Variants in CFAP61 observed in about 807,000 individuals in gnomAD.
CFAP61 encodes the protein cilia and flagella associated protein 61, also known as cilia- and flagella-associated protein 61.
Under a neutral mutation model 135.6 loss-of-function variants are expected in CFAP61, and 107 were observed. The ratio of observed to expected loss-of-function variants is 0.79; its 90% CI spans 0.67 to 0.93. The LOEUF (loss-of-function observed/expected upper bound fraction) is 0.93. CFAP61 is among the 40% of genes least tolerant of loss of function. The pLI is 0.00. For synonymous variants in CFAP61, 575 were observed against 578.5 expected, an observed-to-expected ratio of 0.99 and a Z score of 0.09; for missense variants, 1,507 against 1,556.2, an observed-to-expected ratio of 0.97 and a Z score of 0.53.
intron 25 of CFAP61, among the ~76,000 whole-genome samples, chr20:20,305,367 A>G (rs2056407364): frequency 6.6e-6 from 1 of 152,220 alleles, no homozygotes; most frequent in South Asian, 2.1e-4. Flanking sequence ...CGTTGGAATA[A>G]TTTAATCATG....
Position 20,166,391 on chromosome 20 carries a change from T to C in CFAP61, c.1206-6T>C. On this transcript the variant is annotated splice_polypyrimidine_tract_variant and splice_region_variant and intron_variant, in intron 11 of 26. Coordinates refer to ENST00000245957, the MANE Select transcript of CFAP61 (RefSeq NM_015585.4). ...GCACTGACAGTGCTTACTGTCTTGT[T>C]TACAGGTCGCTGGATTTTATGAATT... The C allele has an allele frequency of 2.5e-6, 4 of 1,613,560 alleles. No individual in the cohort carries two copies. Among genetic ancestry groups the C allele is most frequent in the Non-Finnish European group, 3.4e-6 (4 of 1,179,558 alleles).
At chr20:20,078,225 TC>T (rs1354274551) in intron 6 of CFAP61, among the ~76,000 whole-genome samples, 3 of 152,226 alleles carry the variant, frequency 2.0e-5, no homozygotes, top group African/African-American at 7.2e-5. Flanking sequence ...CCCAATCCCA[TC>T]ATGCGCTGAA....
chr20:20,341,840 C>T lies in CFAP61; in HGVS notation c.3432C>T (p.Thr1144=), dbSNP rs770534248. The T allele has an allele frequency of 5.6e-6, 9 of 1,613,156 alleles. No homozygotes were observed. Among genetic ancestry groups the T allele is most frequent in the East Asian group, 2.2e-5 (1 of 44,872 alleles). The change falls in exon 26 of 27, where the codon ACC becomes ACT. Residue 1144 remains threonine (T), a synonymous_variant. Transcript: ENST00000245957. Reference sequence around the variant, plus strand: ...CTTCTTTCCTTACCAGCTACTTCACCGAGCCGTGGTGCCTGGCCCTGTTCC... The same window carrying T: ...CTTCTTTCCTTACCAGCTACTTCACTGAGCCGTGGTGCCTGGCCCTGTTCC... ...NLITDLYSYF[T]EPWCLALFHD...
At chr20:20,116,800 T>C (rs2049177786) in intron 8 of CFAP61, among the ~76,000 whole-genome samples, 1 of 152,154 alleles carries the variant, frequency 6.6e-6, no homozygotes, top group Non-Finnish European at 1.5e-5. Flanking sequence ...CTATTCTCTA[T>C]CTTCATGAGA....
At chr20:20,192,536 T>G (rs895736246) in intron 15 of CFAP61, among the ~76,000 whole-genome samples, 1 of 152,112 alleles carries the variant, frequency 6.6e-6, no homozygotes, top group Non-Finnish European at 1.5e-5. Flanking sequence ...GATACTCTTT[T>G]GGATTCCTGT....
intron 9 of CFAP61, among the ~76,000 whole-genome samples, chr20:20,155,410 A>G (rs1243384893): frequency 6.6e-6 from 1 of 152,096 alleles, no homozygotes; most frequent in Non-Finnish European, 1.5e-5. Context: ...AAACAAAGAT[A>G]AATAGATGGG....
At chr20:20,078,082 C>T (rs954425540) in intron 6 of CFAP61, among the ~76,000 whole-genome samples, 1 of 152,198 alleles carries the variant, frequency 6.6e-6, no homozygotes, top group Non-Finnish European at 1.5e-5. Flanking sequence ...TCAGGGCCTG[C>T]CCTGCTGTCA....
intron 18 of CFAP61, among the ~76,000 whole-genome samples, chr20:20,233,957 A>G (rs987058569): frequency 3.3e-5 from 5 of 152,138 alleles, no homozygotes; most frequent in Admixed American, 6.5e-5. Flanking sequence ...TGCATTTTTC[A>G]TGATCACACA....
intron 23 of CFAP61, 106 bp from the exon 24 acceptor site, chr20:20,290,194 G>C: frequency 4.0e-6 from 3 of 745,932 alleles, no homozygotes; most frequent in Non-Finnish European, 2.4e-6. Context: ...AGTTTGAGGA[G>C]CATACGCCAC....
intron 26 of CFAP61, among the ~76,000 whole-genome samples, chr20:20,357,482 G>A (rs866719357): frequency 1.1e-4 from 6 of 54,168 alleles, no homozygotes; most frequent in Admixed American, 1.8e-4. Context: ...ACTGAGGGGA[G>A]GTGGTCACAC....
intron 12 of CFAP61, among the ~76,000 whole-genome samples, chr20:20,166,758 A>G (rs2053869567): frequency 6.6e-6 from 1 of 152,218 alleles, no homozygotes; most frequent in South Asian, 2.1e-4. Context: ...TTTATAGATT[A>G]TGTTGGCTCC....
At chr20:20,169,538 A>T (rs6112802) in intron 13 of CFAP61, 78 bp downstream of exon 13, 1,131,325 of 1,230,544 alleles carry the variant, frequency 0.92, 525,817 homozygotes, top group Middle Eastern at 0.97. Flanking sequence ...CCCTGCTATT[A>T]TAATTTAATA....
intron 9 of CFAP61, among the ~76,000 whole-genome samples, chr20:20,147,812 G>T (rs1363718205): frequency 1.3e-5 from 2 of 151,706 alleles, no homozygotes; most frequent in Non-Finnish European, 2.9e-5. Context: ...TCTTAGTCAT[G>T]AATTCTTTGC....
chr20:20,080,827 C>A (rs1182164313), intron 6 of CFAP61, among the ~76,000 whole-genome samples: 1 of 151,984 alleles, frequency 6.6e-6, no homozygotes, highest in South Asian at 2.1e-4. Flanking sequence ...CATGGTGAAA[C>A]CCCGTCTCTT....
chr20:20,210,888 G>A (rs74501906), intron 17 of CFAP61, among the ~76,000 whole-genome samples: 2 of 152,152 alleles, frequency 1.3e-5, no homozygotes, highest in Non-Finnish European at 2.9e-5. Context: ...ACTTTGGGAG[G>A]CTGAAATAGG....
intron 8 of CFAP61, 71 bp downstream of exon 8, chr20:20,098,885 A>G: frequency 2.2e-6 from 3 of 1,365,002 alleles, no homozygotes; most frequent in East Asian, 2.4e-5. Context: ...CTCTTCGCTA[A>G]GTGATGGAAC....
chr20:20,268,735 A>G (rs2147024369), intron 21 of CFAP61, among the ~76,000 whole-genome samples: 1 of 152,316 alleles, frequency 6.6e-6, no homozygotes, highest in East Asian at 1.9e-4. Context: ...CAGCAACCCG[A>G]TACATTATAA....
At chr20:20,210,160 G>GT (rs1234952481) in intron 17 of CFAP61, among the ~76,000 whole-genome samples, 2 of 152,180 alleles carry the variant, frequency 1.3e-5, no homozygotes, top group African/African-American at 4.8e-5. Flanking sequence ...AGTCTCCCTT[G>GT]TGAGGCAGTC....
intron 8 of CFAP61, among the ~76,000 whole-genome samples, chr20:20,120,644 C>G (rs2049538830): frequency 1.3e-5 from 2 of 152,148 alleles, no homozygotes; most frequent in African/African-American, 4.8e-5. Flanking sequence ...TCAGTTAGGT[C>G]TGTTTGGTCT....
Sources: allele counts gnomAD v4.1 joint callset (sites outside exome capture counted in the v4.1 genomes callset), GRCh38; gene constraint gnomAD v4.1.1; transcripts MANE v1.5; gene names NCBI Gene and HGNC (gene_info 2026-07-23, HGNC 2026-07-21).